LPAR3: variants seen among roughly 807,000 people sequenced by gnomAD.
The protein encoded by LPAR3 is LPA receptor 3.
LPAR3 carries 7 observed loss-of-function variants against 17.8 expected under a neutral mutation model. That is an observed-to-expected ratio of 0.39 (90% CI 0.22 to 0.74). LPAR3 has a LOEUF of 0.74. Ranked by LOEUF, LPAR3 falls within the 30% of genes least tolerant of loss-of-function variation. LPAR3 has a pLI of 0.40. For synonymous variants in LPAR3, 179 were observed against 179.9 expected (o/e 0.99, Z 0.04); for missense variants, 391 against 453.4 (o/e 0.86, Z 1.25).
intron 1 of LPAR3, among the ~76,000 whole-genome samples, chr1:84,885,317 A>G (rs1357306245): frequency 1.3e-5 from 2 of 152,198 alleles, no homozygotes; most frequent in Non-Finnish European, 2.9e-5. Flanking sequence ...GCTGTAATAG[A>G]GCTAAAACTG....
intron 1 of LPAR3, among the ~76,000 whole-genome samples, chr1:84,883,312 G>A (rs1038998615): frequency 6.6e-6 from 1 of 152,204 alleles, no homozygotes; most frequent in African/African-American, 2.4e-5. Context: ...CTCACACTGG[G>A]TGGGTCACCA....
chr1:84,864,290 C>A (rs1033656555), intron 2 of LPAR3, among the ~76,000 whole-genome samples: 1 of 152,072 alleles, frequency 6.6e-6, no homozygotes, highest in Non-Finnish European at 1.5e-5. Context: ...TGATCTCTCC[C>A]GAGTACTGAA....
intron 2 of LPAR3, among the ~76,000 whole-genome samples, chr1:84,860,961 A>G (rs905767108): frequency 3.3e-5 from 5 of 151,642 alleles, no homozygotes; most frequent in Non-Finnish European, 7.4e-5. Context: ...ATGGTCTCAA[A>G]CTCCTGACCT....
At position 84,866,325 on chromosome 1, in the gene LPAR3, C is replaced by T. The variant is rs148661671; in HGVS notation, c.-18-187G>A. Among the ~76,000 whole-genome samples, 813 of 152,262 alleles carry T rather than the reference C, an allele frequency of 5.3e-3. 6 individuals are homozygous for T. Among genetic ancestry groups the T allele is most frequent in the African/African-American group, 0.018 (766 of 41,546 alleles). ...CCTGACCTCCTACCACAGCATTTAG[C>T]GCACATTTTAATTGTTTGTTTCCCA... On this transcript the variant is annotated intron_variant, in intron 1 of 2. Transcript: ENST00000370611.
At chr1:84,892,162 G>C (rs1660564157) in intron 1 of LPAR3, among the ~76,000 whole-genome samples, 1 of 151,842 alleles carries the variant, frequency 6.6e-6, no homozygotes. Context: ...GCAGTGAGCC[G>C]AGATCGCGCC....
At chr1:84,847,152 C>T (rs1557597604) in intron 2 of LPAR3, among the ~76,000 whole-genome samples, 2 of 152,218 alleles carry the variant, frequency 1.3e-5, no homozygotes, top group Admixed American at 6.5e-5. Flanking sequence ...CTACTCCCCT[C>T]GGGCTCAATG....
chr1:84,873,266 T>C (rs1660190958), intron 1 of LPAR3, among the ~76,000 whole-genome samples: 1 of 152,162 alleles, frequency 6.6e-6, no homozygotes. Context: ...TATACCACAG[T>C]AATGTAAGAT....
In LPAR3 at chr1:84,865,499, G is replaced by C. The variant is rs376417362; in HGVS notation, c.622C>G (p.Arg208Gly). Reference protein sequence around the residue: ...AFLIMVVVYLRIYVYVKRKTN... With the variant: ...AFLIMVVVYLGIYVYVKRKTN... ...TTCCTCTTGACGTACACGTAGATCC[G>C]CAGGTACACCACAACCATGATGAGG... Residue 208 changes from arginine to glycine, a missense_variant, in exon 2 of 3, where the codon CGG becomes GGG. Coordinates refer to ENST00000370611, the MANE Select transcript of LPAR3 (RefSeq NM_012152.3). 2.2e-5 allele frequency: 35 copies of C among 1,614,152 alleles called. No homozygotes were observed. Among genetic ancestry groups the C allele is most frequent in the Non-Finnish European group, 3.0e-5 (35 of 1,180,038 alleles).
At chr1:84,888,841 A>G (rs571140055) in intron 1 of LPAR3, among the ~76,000 whole-genome samples, 1 of 152,332 alleles carries the variant, frequency 6.6e-6, no homozygotes, top group Admixed American at 6.5e-5. Flanking sequence ...GCTCCAGCTT[A>G]ATGTCCCAGG....
chr1:84,863,520 G>C (rs1345359202), intron 2 of LPAR3, among the ~76,000 whole-genome samples: 1 of 152,086 alleles, frequency 6.6e-6, no homozygotes, highest in East Asian at 1.9e-4. Flanking sequence ...CTCCTTTGCT[G>C]GCTGCCCCTT....
In LPAR3 at chr1:84,814,137, C is replaced by T; in HGVS notation, c.771G>A (p.Val257=). The change falls in exon 3 of 3, where the codon GTG becomes GTA. Residue 257 remains valine (V), a synonymous_variant. Transcript: ENST00000370611. ...AGTTCAGGCCGTCGAGGAGCAGAAC[C>T]ACCAGGCCCGGGGTCCAGCATACCA... ...AFVVCWTPGL[V]VLLLDGLNCR... is the part of the protein sequence containing the mutation. 1 of 1,614,134 alleles carries T rather than the reference C, an allele frequency of 6.2e-7. No homozygotes were observed. Among genetic ancestry groups the T allele is most frequent in the Non-Finnish European group, 8.5e-7 (1 of 1,180,012 alleles).
At chr1:84,882,307 A>G (rs1660380357) in intron 1 of LPAR3, among the ~76,000 whole-genome samples, 1 of 152,234 alleles carries the variant, frequency 6.6e-6, no homozygotes, top group Non-Finnish European at 1.5e-5. Context: ...TATACACTGA[A>G]AACTATAAAA....
chr1:84,845,902 A>G (rs1233946828), intron 2 of LPAR3, among the ~76,000 whole-genome samples: 1 of 152,160 alleles, frequency 6.6e-6, no homozygotes, highest in Non-Finnish European at 1.5e-5. Context: ...AATACTAGCA[A>G]TATATACAAA....
chr1:84,823,120 G>C (rs1659087664), intron 2 of LPAR3, among the ~76,000 whole-genome samples: 1 of 152,106 alleles, frequency 6.6e-6, no homozygotes, highest in Non-Finnish European at 1.5e-5. Flanking sequence ...TCAACCTAGG[G>C]AGGCATTCTT....
At chr1:84,852,304 C>T (rs2102759426) in intron 2 of LPAR3, among the ~76,000 whole-genome samples, 1 of 152,252 alleles carries the variant, frequency 6.6e-6, no homozygotes, top group East Asian at 1.9e-4. Context: ...TGGTCTCGAT[C>T]TCTTGACCTC....
intron 2 of LPAR3, among the ~76,000 whole-genome samples, chr1:84,832,027 G>A (rs2102750125): frequency 6.6e-6 from 1 of 152,142 alleles, no homozygotes; most frequent in African/African-American, 2.4e-5. Context: ...AGACTCTTGG[G>A]TGGAAACCTA....
At chr1:84,854,467 G>A (rs1302410240) in intron 2 of LPAR3, among the ~76,000 whole-genome samples, 1 of 152,064 alleles carries the variant, frequency 6.6e-6, no homozygotes, top group East Asian at 1.9e-4. Context: ...CTGGAAATAG[G>A]GTTCTCTATT....
Position 84,876,405 on chromosome 1 carries a change from T to C in LPAR3, c.-18-10267A>G, listed in dbSNP as rs117531037. On this transcript the variant is annotated intron_variant, in intron 1 of 2. Transcript: ENST00000370611. ...TGCCAATGAGAGGAACAGCAAGAGA[T>C]TGGAAGGCAGGGAGGATGAGGTTGA... 9.2e-4 allele frequency among the ~76,000 whole-genome samples: 140 copies of C among 152,214 alleles called. 3 individuals are homozygous for C. The East Asian group carries it at 0.025, about 28-fold the overall frequency.
At chr1:84,835,836 C>T (rs1260172197) in intron 2 of LPAR3, among the ~76,000 whole-genome samples, 2 of 152,046 alleles carry the variant, frequency 1.3e-5, no homozygotes, top group Admixed American at 6.6e-5. Flanking sequence ...ACTTCTTGGT[C>T]AACAGAATAT....
Sources: gnomAD v4.1 joint callset for allele counts (sites outside exome capture counted in the v4.1 genomes callset) on GRCh38, gnomAD v4.1.1 for gene constraint, MANE v1.5 for transcripts, NCBI Gene and HGNC (gene_info 2026-07-23, HGNC 2026-07-21) for gene names.